Variants in SIM1 observed in about 807,000 individuals in gnomAD.
SIM1 encodes SIM bHLH transcription factor 1.
Under a neutral mutation model 78.2 loss-of-function variants are expected in SIM1, and 18 were observed. That is an observed-to-expected ratio of 0.23 (90% CI 0.16 to 0.34). The LOEUF (loss-of-function observed/expected upper bound fraction) is 0.34, where lower values mean the gene tolerates loss of function less well. Ranked by LOEUF, SIM1 falls within the 10% of genes least tolerant of loss-of-function variation. The probability of loss-of-function intolerance (pLI) is 1.00; values close to 1 mark genes in which losing one functional copy is unlikely to be tolerated. For synonymous variants in SIM1, 417 were observed against 385.2 expected (o/e 1.08, Z -0.97); for missense variants, 939 against 975.1 (o/e 0.96, Z 0.49).
At chr6:100,397,658 GA>G (rs905312945) in intron 10 of SIM1, among the ~76,000 whole-genome samples, 2 of 148,764 alleles carry the variant, frequency 1.3e-5, no homozygotes, top group East Asian at 2.0e-4. Flanking sequence ...ATCCATAAAA[GA>G]AAAAAAAAGA....
In SIM1 at chr6:100,461,895, T is replaced by C. The variant is rs991563213; in HGVS notation, c.175+1399A>G. Among the ~76,000 whole-genome samples the C allele has an allele frequency of 2.0e-5, 3 of 148,608 alleles. No individual in the cohort carries two copies. The East Asian group carries it at 5.9e-4, about 29-fold the overall frequency. ...GTACTTTAGGCTTTCATTTCTTTTT[T>C]CCCCACAGTTTCCAGGGTCAGAGAA... On this transcript the variant is annotated intron_variant, in intron 2 of 11. Coordinates refer to ENST00000369208, the MANE Select transcript of SIM1 (RefSeq NM_005068.3).
intron 10 of SIM1, among the ~76,000 whole-genome samples, chr6:100,406,184 A>G (rs959640713): frequency 6.6e-6 from 1 of 152,188 alleles, no homozygotes; most frequent in Non-Finnish European, 1.5e-5. Flanking sequence ...AACCAGTAGC[A>G]CTAATTTTAA....
chr6:100,413,645 T>A (rs1435091998), intron 10 of SIM1, among the ~76,000 whole-genome samples: 3 of 152,204 alleles, frequency 2.0e-5, no homozygotes, highest in Non-Finnish European at 4.4e-5. Flanking sequence ...TGTATTATGA[T>A]GTTATGATAG....
At position 100,426,301 on chromosome 6, in the gene SIM1, A is replaced by G. The variant is rs532079444; in HGVS notation, c.999-5343T>C. On this transcript the variant is annotated intron_variant, in intron 9 of 11. Coordinates refer to ENST00000369208, the MANE Select transcript of SIM1 (RefSeq NM_005068.3). ...ATTATGGGCAGTCAGAAATCATTCA[A>G]TTTGCAGAATTAACCATCTGAGTCT... is the stretch of plus-strand genomic sequence containing the variant. 2.6e-5 allele frequency among the ~76,000 whole-genome samples: 4 copies of G among 152,328 alleles called. No individual in the cohort carries two copies. The South Asian group carries it at 8.3e-4, about 32-fold the overall frequency.
chr6:100,459,746 T>C (rs1183734048), intron 2 of SIM1, among the ~76,000 whole-genome samples: 2 of 152,268 alleles, frequency 1.3e-5, no homozygotes, highest in African/African-American at 4.8e-5. Context: ...CAATGTGATG[T>C]TACCAAGATT....
intron 9 of SIM1, among the ~76,000 whole-genome samples, chr6:100,424,830 T>C (rs1401730836): frequency 6.6e-6 from 1 of 152,208 alleles, no homozygotes; most frequent in Non-Finnish European, 1.5e-5. Flanking sequence ...AATAGTATCA[T>C]ATCCTACCTT....
chr6:100,418,959 G>A (rs1430651178), intron 10 of SIM1, among the ~76,000 whole-genome samples: 2 of 152,082 alleles, frequency 1.3e-5, no homozygotes, highest in Admixed American at 6.5e-5. Flanking sequence ...CTAAGGTCGG[G>A]AGTTCAAGAC....
intron 1 of SIM1, 56 bp downstream of exon 1, chr6:100,464,558 C>T (rs1772942518): frequency 6.6e-6 from 1 of 152,176 alleles, no homozygotes; most frequent in African/African-American, 2.4e-5. Flanking sequence ...TCTCCCACAC[C>T]ACCGCGGAGC....
At chr6:100,391,120 T>G (rs534713872) in intron 11 of SIM1, 29 bp from the exon 12 acceptor site, 13 of 1,546,582 alleles carry the variant, frequency 8.4e-6, no homozygotes, top group African/African-American at 8.3e-5. Flanking sequence ...CAAAAGTAAG[T>G]GATCTCAGAA....
chr6:100,409,868 T>C (rs1771149478), intron 10 of SIM1, among the ~76,000 whole-genome samples: 1 of 152,202 alleles, frequency 6.6e-6, no homozygotes, highest in Admixed American at 6.5e-5. Flanking sequence ...GTTAGTTTCA[T>C]ACAACTTTTG....
At chr6:100,396,165 C>T in intron 10 of SIM1, 14 of 664,374 alleles carry the variant, frequency 2.1e-5, no homozygotes, top group Non-Finnish European at 2.4e-5. Context: ...GCTTCCTCAC[C>T]TTACTGAGTG....
At chr6:100,393,984 A>T (rs561609391) in intron 10 of SIM1, 95 bp from the exon 11 acceptor site, 1 of 1,291,058 alleles carries the variant, frequency 7.7e-7, no homozygotes, top group South Asian at 1.5e-5. Context: ...TTACTCTACA[A>T]GCACCCTTAA....
At chr6:100,464,502 C>G (rs1033774179) in intron 1 of SIM1, 112 bp downstream of exon 1, 1 of 152,172 alleles carries the variant, frequency 6.6e-6, no homozygotes, top group Non-Finnish European at 1.5e-5. Context: ...GGCGCGCTCG[C>G]GACAGCCCCT....
Position 100,448,267 on chromosome 6 carries a change from C to G in SIM1, c.744-15G>C, listed in dbSNP as rs577827570. ...GCTCCGCCACCCTGAGGAGAGCAATCCCTGCAGGATGAATGCAGGCGCGGG... is the reference window on the plus strand; with the variant it reads ...GCTCCGCCACCCTGAGGAGAGCAATGCCTGCAGGATGAATGCAGGCGCGGG... On this transcript the variant is annotated splice_polypyrimidine_tract_variant and intron_variant, in intron 7 of 11. Transcript: ENST00000369208. 3 of 1,602,480 alleles carry G rather than the reference C, an allele frequency of 1.9e-6. No homozygotes were observed. The South Asian group carries it at 3.3e-5, about 18-fold the overall frequency.
At chr6:100,401,395 T>C (rs1012872178) in intron 10 of SIM1, among the ~76,000 whole-genome samples, 5 of 152,166 alleles carry the variant, frequency 3.3e-5, no homozygotes, top group African/African-American at 1.2e-4. Context: ...GGAGAAATCT[T>C]ACATCTTACA....
intron 2 of SIM1, among the ~76,000 whole-genome samples, chr6:100,461,841 C>CTTTTTTTTTTTTTTTTTTTTT (rs10522700): frequency 6.2e-5 from 7 of 113,344 alleles, no homozygotes; most frequent in East Asian, 2.4e-4. Context: ...TTCTTTCTTT[C>CTTTTTTTTTTTTTTTTTTTTT]TTTTTTTTTT....
chr6:100,434,177 T>G (rs1175545292), intron 9 of SIM1, among the ~76,000 whole-genome samples: 1 of 152,228 alleles, frequency 6.6e-6, no homozygotes, highest in Non-Finnish European at 1.5e-5. Flanking sequence ...TTTCTTTAAC[T>G]GCTCTAATTG....
At chr6:100,408,864 T>C (rs1235328067) in intron 10 of SIM1, among the ~76,000 whole-genome samples, 5 of 152,120 alleles carry the variant, frequency 3.3e-5, no homozygotes, top group Non-Finnish European at 7.4e-5. Flanking sequence ...TACTGACATG[T>C]CATTTTCTTT....
At position 100,389,500 on chromosome 6, in the gene SIM1, C is replaced by T. The variant is rs1040121877; in HGVS notation, c.*861G>A. 5 of 397,268 alleles carry T rather than the reference C, an allele frequency of 1.3e-5. No homozygotes were observed. The Admixed American group carries it at 1.3e-4, about 11-fold the overall frequency. 24.6% of individuals were successfully genotyped at this position (397,268 alleles called of 1,614,324 possible). On this transcript the variant is annotated 3_prime_UTR_variant, in exon 12 of 12. Coordinates refer to ENST00000369208, the MANE Select transcript of SIM1 (RefSeq NM_005068.3). ...AAGCAAACCCCAAATATGTTGTTTA[C>T]TTATGCTGAGCCCTTAAATTGTGTT...
Sources: allele counts gnomAD v4.1 joint callset (sites outside exome capture counted in the v4.1 genomes callset), GRCh38; gene constraint gnomAD v4.1.1; transcripts MANE v1.5; gene names NCBI Gene and HGNC (gene_info 2026-07-23, HGNC 2026-07-21).